Variants in COQ5 observed in about 807,000 individuals in gnomAD.
COQ5 encodes coenzyme Q5, methyltransferase.
COQ5 carries 27 observed loss-of-function variants against 40.5 expected under a neutral mutation model. The ratio of observed to expected loss-of-function variants is 0.67; its 90% CI spans 0.49 to 0.92. The LOEUF (loss-of-function observed/expected upper bound fraction) is 0.92. Among genes scored for constraint, COQ5 ranks in the 40% least tolerant of loss-of-function variants. COQ5 has a pLI of 0.00. For missense variants in COQ5, 409 were observed against 406.4 expected (o/e 1.01, Z -0.06); for synonymous variants, 141 against 150.0 (o/e 0.94, Z 0.44).
intron 1 of COQ5, chr12:120,523,048 A>T (rs1869752445): frequency 4.4e-6 from 2 of 452,816 alleles, no homozygotes; most frequent in African/African-American, 2.0e-5. Flanking sequence ...AAAAAAAGAG[A>T]TTCTTATCGG....
At chr12:120,508,283 C>T (rs1345442748) in intron 4 of COQ5, among the ~76,000 whole-genome samples, 2 of 151,896 alleles carry the variant, frequency 1.3e-5, no homozygotes, top group African/African-American at 4.8e-5. Context: ...CTGGAGGCCT[C>T]CAAAGAGTTC....
intron 1 of COQ5, 67 bp downstream of exon 1, chr12:120,528,873 A>C: frequency 1.4e-6 from 2 of 1,402,366 alleles, no homozygotes; most frequent in Non-Finnish European, 1.0e-6. Flanking sequence ...AATCAACCCT[A>C]ACTGGCCAGA....
intron 1 of COQ5, chr12:120,523,973 G>A: frequency 2.6e-6 from 1 of 392,016 alleles, no homozygotes; most frequent in Non-Finnish European, 5.2e-6. Flanking sequence ...TTGGACCACT[G>A]CATTCCAGCC....
At chr12:120,517,639 G>A (rs1486493672) in intron 2 of COQ5, among the ~76,000 whole-genome samples, 11 of 150,224 alleles carry the variant, frequency 7.3e-5, no homozygotes, top group Non-Finnish European at 1.0e-4. Context: ...CCAAGATCGC[G>A]CCACTGCACT....
At chr12:120,514,778 C>CAACAACAACAACAAA (rs1869305951) in intron 3 of COQ5, among the ~76,000 whole-genome samples, 1 of 151,742 alleles carries the variant, frequency 6.6e-6, no homozygotes, top group Non-Finnish European at 1.5e-5. Context: ...ACAACAACAA[C>CAACAACAACAACAAA]AACAAAAACT....
chr12:120,525,679 C>T (rs925164884), intron 1 of COQ5, among the ~76,000 whole-genome samples: 10 of 152,084 alleles, frequency 6.6e-5, no homozygotes, highest in African/African-American at 2.4e-4. Context: ...AATCCCAGAA[C>T]TTTGGGAGGC....
At position 120,526,698 on chromosome 12, in the gene COQ5, ATTTTTTTTTTTTTTTT is replaced by A. The variant is rs61584250; in HGVS notation, c.202+2226_202+2241del. Among the ~76,000 whole-genome samples, 107 of 64,160 alleles carry A rather than the reference ATTTTTTTTTTTTTTTT, an allele frequency of 1.7e-3. 2 individuals carry two copies. The highest frequency in any genetic ancestry group is 6.2e-3 in the African/African-American group (76 of 12,200). The allele number at this position is 64,160 out of a possible 152,430, so 42.1% of individuals were successfully genotyped here. On this transcript the variant is annotated intron_variant, in intron 1 of 6. Coordinates refer to ENST00000288532, the MANE Select transcript of COQ5 (RefSeq NM_032314.4). ...AATAGTGCTCAAACTACTCTTGGCAATTTTTTTTTTTTTTTTTTTTTTTTTTTTTTTTTTGAGACAG... is the reference window on the plus strand; with the variant it reads ...AATAGTGCTCAAACTACTCTTGGCAATTTTTTTTTTTTTTTTTTGAGACAG...
At chr12:120,528,203 AAAAT>A (rs56103240) in intron 1 of COQ5, among the ~76,000 whole-genome samples, 28 of 148,854 alleles carry the variant, frequency 1.9e-4, no homozygotes, top group South Asian at 4.2e-4. Flanking sequence ...ACTCCGTCTC[AAAAT>A]AAATAAATAA....
rs373903861 is a variant in COQ5 at position 120,510,116 on chromosome 12, T to C, written c.582A>G (p.Ala194=). Residue 194 remains alanine, a synonymous_variant, in exon 4 of 7, where the codon GCA becomes GCG. Coordinates refer to ENST00000288532, the MANE Select transcript of COQ5 (RefSeq NM_032314.4). ...GTTCTTCAGCATCTCCTAATACCCA[T>C]GCAAGTCCTGAAAGAGAAAGTGAGT... ...ALAQGYRAGL[A]WVLGDAEELP... 1.9e-6 allele frequency: 3 copies of C among 1,612,988 alleles called. No individual in the cohort carries two copies. Among genetic ancestry groups the C allele is most frequent in the Non-Finnish European group, 2.5e-6 (3 of 1,179,168 alleles).
At position 120,503,665 on chromosome 12, in the gene COQ5, G is replaced by C. The variant is rs1230808187; in HGVS notation, c.*119C>G. The C allele has an allele frequency of 1.8e-5, 14 of 768,350 alleles. No individual in the cohort carries two copies. In the East Asian group the frequency reaches 3.7e-4, roughly 20 times the overall value. The allele number at this position is 768,350 out of a possible 1,614,324, so 47.6% of individuals were successfully genotyped here. A position where few individuals can be genotyped will look rare whatever the true frequency, so the allele number is the denominator to read the frequency against. ...TTGAGACTGTTCGATTCAAACATGA[G>C]TCCAAGGCACGTATCCTTAAGAGGA... is the stretch of plus-strand genomic sequence containing the variant. On this transcript the variant is annotated 3_prime_UTR_variant, in exon 7 of 7. Transcript: ENST00000288532.
chr12:120,516,540 C>G, intron 3 of COQ5, 27 bp downstream of exon 3: 1 of 1,506,570 alleles, frequency 6.6e-7, no homozygotes, highest in Non-Finnish European at 9.2e-7. Context: ...AAATACTTCC[C>G]CTGTGTCTGC....
At chr12:120,511,021 A>T (rs1206239004) in intron 3 of COQ5, among the ~76,000 whole-genome samples, 7 of 152,146 alleles carry the variant, frequency 4.6e-5, no homozygotes, top group Non-Finnish European at 1.0e-4. Flanking sequence ...CTGAAATCCC[A>T]GCATTTTGGG....
intron 1 of COQ5, among the ~76,000 whole-genome samples, chr12:120,528,231 TAAAA>T (rs1870057564): frequency 1.4e-5 from 2 of 144,036 alleles, no homozygotes; most frequent in Admixed American, 1.4e-4. Flanking sequence ...AATAAATAAA[TAAAA>T]ACAACCAAAA....
intron 1 of COQ5, 22 bp from the exon 2 acceptor site, chr12:120,522,385 C>G: frequency 1.9e-6 from 3 of 1,610,900 alleles, no homozygotes; most frequent in Non-Finnish European, 2.5e-6. Context: ...GAAACACACA[C>G]AATAGTGCTA....
At position 120,503,979 on chromosome 12, in the gene COQ5, A is replaced by G; in HGVS notation, c.873T>C (p.Phe291=). ...TATAGAAGTTTCATACCTGAGACGG[A>G]AACCTTCGGATACTCTCTACAAGGT... is the stretch of plus-strand genomic sequence containing the variant. The part of the protein sequence containing the change: ...YQYLVESIRR[F]PSQEEFKDMI... The change falls in exon 6 of 7, where the codon TTT becomes TTC. Residue 291 remains phenylalanine (F), a synonymous_variant. Coordinates refer to ENST00000288532, the MANE Select transcript of COQ5 (RefSeq NM_032314.4). 1 of 1,611,634 alleles carries G rather than the reference A, an allele frequency of 6.2e-7. No individual in the cohort carries two copies. The highest frequency in any genetic ancestry group is 8.5e-7 in the Non-Finnish European group (1 of 1,177,670).
intron 4 of COQ5, 112 bp from the exon 5 acceptor site, chr12:120,505,095 A>G: frequency 1.2e-6 from 1 of 821,072 alleles, no homozygotes; most frequent in South Asian, 1.4e-5. Flanking sequence ...CATGGCCCAC[A>G]AACCTCTTGT....
chr12:120,519,990 G>A (rs1869567247), intron 2 of COQ5, among the ~76,000 whole-genome samples: 1 of 151,810 alleles, frequency 6.6e-6, no homozygotes, highest in East Asian at 1.9e-4. Flanking sequence ...GCTTCCATTT[G>A]GGGAGAGGAT....
chr12:120,520,142 T>A (rs892122163), intron 2 of COQ5, among the ~76,000 whole-genome samples: 31 of 151,136 alleles, frequency 2.1e-4, no homozygotes, highest in South Asian at 1.0e-3. Context: ...TGTATTTATT[T>A]ATTATTATTA....
At chr12:120,526,869 C>A in intron 1 of COQ5, 1 of 161,486 alleles carries the variant, frequency 6.2e-6, no homozygotes, top group Non-Finnish European at 1.3e-5. Context: ...CGCCCGCCAC[C>A]ATGCCCGGCT....
Sources: gnomAD v4.1 joint callset for allele counts (sites outside exome capture counted in the v4.1 genomes callset) on GRCh38, gnomAD v4.1.1 for gene constraint, MANE v1.5 for transcripts, NCBI Gene and HGNC (gene_info 2026-07-23, HGNC 2026-07-21) for gene names.